Variants in BMAL2 observed in about 807,000 individuals in gnomAD.
BMAL2 encodes the protein basic helix-loop-helix ARNT-like protein 2.
chr12:27,389,288 A>G, the BMAL2 span: 2 of 1,586,352 alleles, frequency 1.3e-6, no homozygotes, highest in Non-Finnish European at 1.7e-6. Flanking sequence ...AAGCTAATAG[A>G]TGCCAAAAGT....
chr12:27,402,368 A>G, the BMAL2 span, among the ~76,000 whole-genome samples: 1 of 152,008 alleles, frequency 6.6e-6, no homozygotes, highest in Non-Finnish European at 1.5e-5. Flanking sequence ...TTGCCTACTT[A>G]TTATTAGTAC....
the BMAL2 span, among the ~76,000 whole-genome samples, chr12:27,409,698 T>A: frequency 6.6e-6 from 1 of 151,984 alleles, no homozygotes; most frequent in Non-Finnish European, 1.5e-5. Flanking sequence ...GGACTTCATG[T>A]CTAAAACACC....
At chr12:27,348,535 G>A in the BMAL2 span, among the ~76,000 whole-genome samples, 1 of 151,938 alleles carries the variant, frequency 6.6e-6, no homozygotes, top group South Asian at 2.1e-4. Context: ...CTTACCTAAA[G>A]CCACCTTTTA....
the BMAL2 span, chr12:27,387,237 G>A: frequency 6.2e-7 from 1 of 1,610,156 alleles, no homozygotes; most frequent in South Asian, 1.1e-5. Flanking sequence ...GACTGCAGAA[G>A]GCTTCTTATT....
chr12:27,391,331 T>C, the BMAL2 span, among the ~76,000 whole-genome samples: 3 of 152,230 alleles, frequency 2.0e-5, no homozygotes, highest in Admixed American at 6.5e-5. Context: ...CTTAGGATTA[T>C]AGCCTCCAGC....
At chr12:27,352,871 G>C in the BMAL2 span, among the ~76,000 whole-genome samples, 3 of 152,140 alleles carry the variant, frequency 2.0e-5, no homozygotes, top group Non-Finnish European at 2.9e-5. Flanking sequence ...CAGCTAACCA[G>C]GGAGGTGAAA....
chr12:27,416,019 C>A, the BMAL2 span: 3 of 1,075,864 alleles, frequency 2.8e-6, no homozygotes, highest in African/African-American at 1.6e-5. Flanking sequence ...TTGATTATTT[C>A]TTTTAAGAAA....
chr12:27,420,990 T>C, the BMAL2 span: 1 of 153,838 alleles, frequency 6.5e-6, no homozygotes, highest in Non-Finnish European at 1.4e-5. Context: ...TTACACACTT[T>C]AAGAAAACAG....
the BMAL2 span, chr12:27,424,473 A>G: frequency 6.6e-6 from 1 of 152,248 alleles, no homozygotes; most frequent in Non-Finnish European, 1.5e-5. Flanking sequence ...AAAGTACAGA[A>G]TAGAGACTTT....
At chr12:27,337,862 A>G in the BMAL2 span, among the ~76,000 whole-genome samples, 161 of 152,338 alleles carry the variant, frequency 1.1e-3, no homozygotes, top group Non-Finnish European at 1.3e-3. Context: ...GACCTTCAAC[A>G]AATGATTTTC....
chr12:27,383,478 G>T, the BMAL2 span, among the ~76,000 whole-genome samples: 1 of 152,062 alleles, frequency 6.6e-6, no homozygotes, highest in African/African-American at 2.4e-5. Flanking sequence ...GCATTTACTG[G>T]CCAGCCTCTA....
At chr12:27,409,280 T>C in the BMAL2 span, among the ~76,000 whole-genome samples, 13 of 152,328 alleles carry the variant, frequency 8.5e-5, no homozygotes, top group African/African-American at 2.9e-4. Context: ...AGAGCCCACA[T>C]TGCCAAGTCA....
chr12:27,333,466 C>T, the BMAL2 span, among the ~76,000 whole-genome samples: 1 of 152,252 alleles, frequency 6.6e-6, no homozygotes, highest in South Asian at 2.1e-4. Context: ...TGCTGGGCGC[C>T]CGCGTCGGCG....
chr12:27,389,226 T>G, the BMAL2 span: 1 of 1,613,148 alleles, frequency 6.2e-7, no homozygotes, highest in African/African-American at 1.3e-5. Context: ...ATCCAAAAGA[T>G]GTTGCCAAAG....
the BMAL2 span, chr12:27,421,592 G>A: frequency 6.6e-6 from 1 of 152,104 alleles, no homozygotes; most frequent in Non-Finnish European, 1.5e-5. Flanking sequence ...CTGCACTCCA[G>A]TCTGGGCAAC....
the BMAL2 span, among the ~76,000 whole-genome samples, chr12:27,398,202 C>T: frequency 2.0e-5 from 3 of 152,184 alleles, no homozygotes; most frequent in East Asian, 5.8e-4. Flanking sequence ...GACAGCAAGA[C>T]ACCAAGTTGA....
chr12:27,425,171 C>A, the BMAL2 span: 4 of 151,174 alleles, frequency 2.6e-5, no homozygotes, highest in African/African-American at 9.7e-5. Context: ...CACTTGTGCT[C>A]GTCTGTATAT....
the BMAL2 span, chr12:27,390,631 G>A: frequency 1.8e-5 from 3 of 165,122 alleles, no homozygotes; most frequent in African/African-American, 7.2e-5. Flanking sequence ...TTTGGTGAAA[G>A]TTTCTTAAGA....
At chr12:27,414,897 A>G in the BMAL2 span, among the ~76,000 whole-genome samples, 1 of 152,214 alleles carries the variant, frequency 6.6e-6, no homozygotes, top group Non-Finnish European at 1.5e-5. Context: ...AAAAAGAGAG[A>G]AGTCTCAAAT....
Sources: allele counts gnomAD v4.1 joint callset (sites outside exome capture counted in the v4.1 genomes callset), GRCh38; gene constraint gnomAD v4.1.1; transcripts MANE v1.5; gene names NCBI Gene and HGNC (gene_info 2026-07-23, HGNC 2026-07-21).